The following RBFOX1 variants were observed in gnomAD, a reference collection of about 807,000 sequenced individuals.
The protein encoded by RBFOX1 is RNA binding fox-1 homolog 1.
Under a neutral mutation model 57.7 loss-of-function variants are expected in RBFOX1, and 8 were observed. The ratio of observed to expected loss-of-function variants is 0.14; its 90% CI spans 0.08 to 0.25. The LOEUF (loss-of-function observed/expected upper bound fraction) is 0.25. Among genes scored for constraint, RBFOX1 ranks in the 10% least tolerant of loss-of-function variants. The pLI, the probability that RBFOX1 is intolerant of heterozygous loss-of-function variation, is 1.00. For synonymous variants in RBFOX1, 326 were observed against 222.4 expected, an observed-to-expected ratio of 1.47 and a Z score of -4.15; for missense variants, 611 against 548.5, an observed-to-expected ratio of 1.11 and a Z score of -1.14.
At chr16:5,764,041 A>G (rs773204191) in intron 3 of RBFOX1, among the ~76,000 whole-genome samples, 2 of 152,192 alleles carry the variant, frequency 1.3e-5, no homozygotes, top group Non-Finnish European at 2.9e-5. Context: ...CGTGGTTAGA[A>G]TCACATCACA....
intron 4 of RBFOX1, among the ~76,000 whole-genome samples, chr16:5,920,931 A>G (rs751309768): frequency 3.1e-5 from 3 of 95,444 alleles, no homozygotes; most frequent in Non-Finnish European, 7.2e-5. Flanking sequence ...TGGGATGTGA[A>G]CATGTGCCGT....
intron 4 of RBFOX1, among the ~76,000 whole-genome samples, chr16:5,907,327 C>G (rs2058485135): frequency 6.6e-6 from 1 of 152,132 alleles, no homozygotes; most frequent in African/African-American, 2.4e-5. Flanking sequence ...GATTTCATGC[C>G]TCTTTCTCTC....
At chr16:7,312,979 G>A (rs2142762104) in intron 4 of RBFOX1, among the ~76,000 whole-genome samples, 1 of 152,180 alleles carries the variant, frequency 6.6e-6, no homozygotes, top group African/African-American at 2.4e-5. Flanking sequence ...GTTTCAGGAT[G>A]GACCGGGGAA....
chr16:6,444,041 G>A (rs575145805), intron 2 of RBFOX1, among the ~76,000 whole-genome samples: 2 of 152,102 alleles, frequency 1.3e-5, no homozygotes, highest in Non-Finnish European at 2.9e-5. Context: ...ATAATGTAGT[G>A]GCCCTAAGCA....
intron 5 of RBFOX1, among the ~76,000 whole-genome samples, chr16:7,576,971 G>T (rs2093386714): frequency 6.6e-6 from 1 of 152,142 alleles, no homozygotes; most frequent in African/African-American, 2.4e-5. Context: ...ACAGTTGCAG[G>T]ATTCGAGCTC....
intron 1 of RBFOX1, among the ~76,000 whole-genome samples, chr16:6,151,694 A>G (rs772941134): frequency 5.3e-5 from 8 of 152,224 alleles, no homozygotes; most frequent in African/African-American, 1.9e-4. Context: ...AGGGGGAGGT[A>G]TTAATGAGGC....
At chr16:5,913,768 A>G (rs2058652551) in intron 4 of RBFOX1, among the ~76,000 whole-genome samples, 1 of 152,258 alleles carries the variant, frequency 6.6e-6, no homozygotes, top group Non-Finnish European at 1.5e-5. Context: ...AATGCCAATA[A>G]TTGTGCATTC....
At chr16:6,574,774 C>G (rs1444401374) in intron 2 of RBFOX1, among the ~76,000 whole-genome samples, 1 of 147,402 alleles carries the variant, frequency 6.8e-6, no homozygotes, top group African/African-American at 2.5e-5. Context: ...CGTGGTGGCT[C>G]ACGCCTGTAA....
chr16:6,576,157 G>A (rs2097432402), intron 2 of RBFOX1, among the ~76,000 whole-genome samples: 1 of 152,098 alleles, frequency 6.6e-6, no homozygotes, highest in Admixed American at 6.6e-5. Flanking sequence ...GCAGTCGTGA[G>A]TATTCATTCT....
At chr16:7,565,524 G>T (rs1455094550) in intron 5 of RBFOX1, among the ~76,000 whole-genome samples, 1 of 152,152 alleles carries the variant, frequency 6.6e-6, no homozygotes, top group African/African-American at 2.4e-5. Flanking sequence ...CGTGGACCCT[G>T]TAAATTCACT....
chr16:7,470,535 G>A (rs2061373105), intron 4 of RBFOX1, among the ~76,000 whole-genome samples: 1 of 151,990 alleles, frequency 6.6e-6, no homozygotes, highest in Non-Finnish European at 1.5e-5. Context: ...TTGGGTAGAT[G>A]AGTGGGTGGA....
chr16:5,369,505 C>T (rs1309615427), intron 1 of RBFOX1, among the ~76,000 whole-genome samples: 1 of 152,224 alleles, frequency 6.6e-6, no homozygotes, highest in African/African-American at 2.4e-5. Context: ...TCATTTAATG[C>T]TGAGGACGTT....
At chr16:5,412,496 C>T (rs2151466877) in intron 1 of RBFOX1, among the ~76,000 whole-genome samples, 1 of 152,244 alleles carries the variant, frequency 6.6e-6, no homozygotes, top group South Asian at 2.1e-4. Context: ...AGATTTATAG[C>T]TCAAAGATTG....
In RBFOX1 at chr16:7,209,290, G is replaced by A. The variant is rs765168050; in HGVS notation, c.27+157192G>A. On this transcript the variant is annotated intron_variant, in intron 4 of 15. Coordinates refer to ENST00000550418, the MANE Select transcript of RBFOX1 (RefSeq NM_018723.4). ...GCAGAGGTTGCAGTGAGCTGATATC[G>A]TGCCATTGCATTCCAGCGTAGGCGA... 1.1e-4 allele frequency among the ~76,000 whole-genome samples: 17 copies of A among 152,170 alleles called. No homozygotes were observed. The Middle Eastern group carries it at 0.01, about 91-fold the overall frequency.
At chr16:6,962,321 C>A (rs1385075703) in intron 3 of RBFOX1, among the ~76,000 whole-genome samples, 1 of 152,116 alleles carries the variant, frequency 6.6e-6, no homozygotes. Flanking sequence ...TCTTGAGATC[C>A]TTAGCTTAAT....
At chr16:6,298,783 A>C (rs2078442170) in intron 1 of RBFOX1, among the ~76,000 whole-genome samples, 1 of 152,220 alleles carries the variant, frequency 6.6e-6, no homozygotes, top group South Asian at 2.1e-4. Flanking sequence ...TGGTGAGTTT[A>C]CATATTTGTT....
chr16:7,403,015 T>G (rs2098270501), intron 4 of RBFOX1, among the ~76,000 whole-genome samples: 1 of 152,228 alleles, frequency 6.6e-6, no homozygotes, highest in Non-Finnish European at 1.5e-5. Context: ...AACTCCCCGT[T>G]CACGATGCAG....
intron 1 of RBFOX1, among the ~76,000 whole-genome samples, chr16:5,279,566 A>T (rs561897827): frequency 6.6e-6 from 1 of 152,064 alleles, no homozygotes; most frequent in East Asian, 1.9e-4. Flanking sequence ...CAGTGGTGCA[A>T]TCTTGGCTCA....
rs538751423 is a variant in RBFOX1, at chr16:5,380,564, C to G, written c.220-86652C>G. 4.6e-5 allele frequency among the ~76,000 whole-genome samples: 7 copies of G among 152,328 alleles called. No homozygotes were observed. In the South Asian group the frequency reaches 1.4e-3, roughly 32 times the overall value. ...TGCGAATAGGACTTACCTTTGGGGA[C>G]AAGACTAGGGTGTGAAAGCATTGCT... On this transcript the variant is annotated intron_variant, in intron 1 of 2. Coordinates refer to the RBFOX1 transcript ENST00000585867.
Sources: allele counts gnomAD v4.1 joint callset (sites outside exome capture counted in the v4.1 genomes callset), GRCh38; gene constraint gnomAD v4.1.1; transcripts MANE v1.5; gene names NCBI Gene and HGNC (gene_info 2026-07-23, HGNC 2026-07-21).